The following GARIN5B variants were observed in gnomAD, a reference collection of about 807,000 sequenced individuals.
GARIN5B encodes Golgi-associated RAB2 interactor protein 5B.
the GARIN5B span, chr19:55,358,520 ATCTCGCCCCATGGCTGC>A: frequency 3.0e-5 from 1 of 33,346 alleles, no homozygotes. Context: ...TGGCTCCTTC[ATCTCGCCCCATGGCTGC>A]TCCTTCATCT....
chr19:55,356,108 A>T, the GARIN5B span, among the ~76,000 whole-genome samples: 1 of 151,726 alleles, frequency 6.6e-6, no homozygotes, highest in Non-Finnish European at 1.5e-5. Flanking sequence ...CTGGCAATAG[A>T]GCTCACCCCT....
chr19:55,356,733 G>T, the GARIN5B span, among the ~76,000 whole-genome samples: 1 of 151,994 alleles, frequency 6.6e-6, no homozygotes, highest in African/African-American at 2.4e-5. Flanking sequence ...CTAGTTCCAG[G>T]GCATTTGTAT....
chr19:55,361,394 A>G, the GARIN5B span: 2 of 1,531,332 alleles, frequency 1.3e-6, no homozygotes, highest in South Asian at 2.5e-5. Flanking sequence ...CCTGACAAAC[A>G]GCAGGGCCTG....
chr19:55,360,770 C>G, the GARIN5B span: 6 of 1,551,720 alleles, frequency 3.9e-6, no homozygotes, highest in Non-Finnish European at 5.2e-6. Context: ...CTGGTCTTCT[C>G]TGGATGGGGG....
the GARIN5B span, chr19:55,362,884 C>T: frequency 2.7e-6 from 4 of 1,479,780 alleles, no homozygotes; most frequent in African/African-American, 2.8e-5. Flanking sequence ...CCCCTCTGTC[C>T]CTCTCAGCCC....
the GARIN5B span, chr19:55,362,739 C>T: frequency 6.6e-7 from 1 of 1,526,254 alleles, no homozygotes; most frequent in Non-Finnish European, 8.8e-7. Flanking sequence ...TCACCTGGGG[C>T]AGCCAGGGAG....
the GARIN5B span, chr19:55,359,630 G>T: frequency 6.4e-7 from 1 of 1,550,804 alleles, no homozygotes; most frequent in Non-Finnish European, 8.7e-7. Context: ...AACAAGGAAC[G>T]GTGCCTTACA....
At chr19:55,359,172 C>G in the GARIN5B span, 3 of 1,551,166 alleles carry the variant, frequency 1.9e-6, no homozygotes, top group Non-Finnish European at 8.7e-7. Flanking sequence ...GTTGGCAACA[C>G]GTCAAAATCG....
chr19:55,362,892 C>A, the GARIN5B span: 2 of 1,486,372 alleles, frequency 1.3e-6, no homozygotes, highest in South Asian at 2.7e-5. Context: ...TCCCTCTCAG[C>A]CCCGGGGCAC....
chr19:55,358,300 C>G, the GARIN5B span: 8 of 1,549,186 alleles, frequency 5.2e-6, no homozygotes, highest in Non-Finnish European at 7.0e-6. Context: ...TCCTCATGGG[C>G]TCCTGCGACA....
chr19:55,362,625 G>T, the GARIN5B span: 3 of 1,547,324 alleles, frequency 1.9e-6, no homozygotes, highest in Admixed American at 2.0e-5. Flanking sequence ...CGGGCTGGCC[G>T]ATCAGCAAGA....
At chr19:55,358,282 G>A in the GARIN5B span, 2 of 1,550,576 alleles carry the variant, frequency 1.3e-6, no homozygotes, top group African/African-American at 1.4e-5. Flanking sequence ...GGGGGTGCTG[G>A]GCTGGCATCC....
At chr19:55,363,032 G>T in the GARIN5B span, 25 of 1,496,452 alleles carry the variant, frequency 1.7e-5, 1 homozygote, top group African/African-American at 3.0e-4. This position sits in a 1 kb window ranked among gnomAD's most constrained non-coding sequence, Gnocchi z 4.0. Context: ...GCCCTGGAGC[G>T]GCTCAAGGCA....
At chr19:55,359,645 G>A in the GARIN5B span, 1 of 1,550,830 alleles carries the variant, frequency 6.4e-7, no homozygotes, top group Admixed American at 2.0e-5. Flanking sequence ...CTTACAAGAT[G>A]TGACAAGGCC....
chr19:55,360,099 TC>T, the GARIN5B span: 2 of 674,244 alleles, frequency 3.0e-6, no homozygotes, highest in East Asian at 5.7e-5. Context: ...CAGCCCCTCC[TC>T]CCTCAGACTC....
the GARIN5B span, chr19:55,363,053 C>T: frequency 4.0e-6 from 6 of 1,496,976 alleles, no homozygotes; most frequent in African/African-American, 1.4e-5. This position sits in a 1 kb window ranked among gnomAD's most constrained non-coding sequence, Gnocchi z 4.0. Flanking sequence ...CCTCCTGTTT[C>T]GAAGCCAGAT....
At chr19:55,361,781 G>A in the GARIN5B span, among the ~76,000 whole-genome samples, 2 of 43,744 alleles carry the variant, frequency 4.6e-5, 1 homozygote, top group Non-Finnish European at 1.3e-4. Context: ...CAGGAGTCCA[G>A]ACCCCACAGC....
At chr19:55,361,496 G>C in the GARIN5B span, 1,093,136 of 1,440,996 alleles carry the variant, frequency 0.76, 422,316 homozygotes, top group East Asian at 0.88. Context: ...CCTACCCAGC[G>C]AGAGGCCTAG....
the GARIN5B span, chr19:55,359,190 GCTT>G: frequency 6.4e-7 from 1 of 1,551,418 alleles, no homozygotes; most frequent in Non-Finnish European, 8.7e-7. Context: ...TCGCCAGGGA[GCTT>G]CCCCCGTGAG....
Sources: allele counts gnomAD v4.1 joint callset (sites outside exome capture counted in the v4.1 genomes callset), GRCh38; gene constraint gnomAD v4.1.1; non-coding constraint Gnocchi (gnomAD v3.1); transcripts MANE v1.5; gene names NCBI Gene and HGNC (gene_info 2026-07-23, HGNC 2026-07-21).